Variants in SLC9A1 observed in about 807,000 individuals in gnomAD.
SLC9A1 encodes sodium/hydrogen exchanger 1.
In SLC9A1, 22 loss-of-function variants were observed where a neutral mutation model predicts 67.9. The observed-to-expected ratio is 0.32, with a 90% CI of 0.23 to 0.46. SLC9A1 has a LOEUF of 0.46. SLC9A1 is among the 20% of genes least tolerant of loss of function. SLC9A1 has a pLI of 1.00. For synonymous variants in SLC9A1, 421 were observed against 471.8 expected (o/e 0.89, Z 1.40); for missense variants, 686 against 1,094.8 (o/e 0.63, Z 5.27).
intron 1 of SLC9A1, among the ~76,000 whole-genome samples, chr1:27,145,115 T>A (rs533980728): frequency 6.6e-6 from 1 of 151,854 alleles, no homozygotes; most frequent in South Asian, 2.1e-4. Flanking sequence ...AAAGTCCCTG[T>A]CCTCAAGAGG....
chr1:27,118,495 C>T lies in SLC9A1; in HGVS notation c.353-4209G>A, dbSNP rs1187003132. On this transcript the variant is annotated intron_variant, in intron 1 of 11. Transcript: ENST00000263980. The surrounding 1 kb of genome is among the most constrained non-coding windows in gnomAD (Gnocchi z 4.3). ...CGCTCACTCTGCATCCCTGCAGAGT[C>T]CCCACAAAGAGCAGGATGCTTGCTG... Among the ~76,000 whole-genome samples, 3 of 152,192 alleles carry T rather than the reference C, an allele frequency of 2.0e-5. No individual in the cohort carries two copies. Among genetic ancestry groups the T allele is most frequent in the African/African-American group, 7.2e-5 (3 of 41,440 alleles).
Position 27,109,249 on chromosome 1 carries a change from A to G in SLC9A1, c.1064+278T>C, listed in dbSNP as rs1461541017. ...CTATACCCTGGGCTTGCCTTCATGC[A>G]GGTCATTCTTGCTTCATCTGCTCAT... On this transcript the variant is annotated intron_variant, in intron 3 of 11. Transcript: ENST00000263980. The surrounding 1 kb of genome is among the most constrained non-coding windows in gnomAD (Gnocchi z 5.5). Among the ~76,000 whole-genome samples the G allele has an allele frequency of 1.3e-5, 2 of 152,118 alleles. No homozygotes were observed. Among genetic ancestry groups the G allele is most frequent in the Non-Finnish European group, 2.9e-5 (2 of 68,010 alleles).
In SLC9A1 at chr1:27,103,315, G is replaced by A; in HGVS notation, c.1486-3C>T. ...ACCAGGGGCCGAATGGTCATGCCCTGGGGGGCAGGCAGGTGTCAGGCACTC... is the reference window on the plus strand; with the variant it reads ...ACCAGGGGCCGAATGGTCATGCCCTAGGGGGCAGGCAGGTGTCAGGCACTC... On this transcript the variant is annotated splice_region_variant and splice_polypyrimidine_tract_variant and intron_variant, in intron 5 of 11. Transcript: ENST00000263980. The A allele has an allele frequency of 1.2e-6, 2 of 1,608,964 alleles. No individual in the cohort carries two copies. The highest frequency in any genetic ancestry group is 8.5e-7 in the Non-Finnish European group (1 of 1,175,492).
chr1:27,116,526 C>T (rs1042233838), intron 1 of SLC9A1, among the ~76,000 whole-genome samples: 1 of 152,258 alleles, frequency 6.6e-6, no homozygotes, highest in Admixed American at 6.5e-5. Flanking sequence ...GCACCATGTG[C>T]ATTCTCCTGA....
intron 1 of SLC9A1, among the ~76,000 whole-genome samples, chr1:27,133,340 G>A (rs1012696038): frequency 6.6e-6 from 1 of 151,844 alleles, no homozygotes; most frequent in African/African-American, 2.4e-5. Context: ...AAAGTGCTGT[G>A]ATTACAGGCA....
chr1:27,112,648 C>T (rs1458329563), intron 2 of SLC9A1, among the ~76,000 whole-genome samples: 2 of 152,160 alleles, frequency 1.3e-5, no homozygotes, highest in Non-Finnish European at 2.9e-5. Context: ...CTTTGGGAGG[C>T]TGAGGTGGGC....
intron 1 of SLC9A1, among the ~76,000 whole-genome samples, chr1:27,115,500 T>A (rs74862308): frequency 0.026 from 4,026 of 152,108 alleles, 176 homozygotes; most frequent in African/African-American, 0.089. Flanking sequence ...CCAAGAGGGT[T>A]TGTCCCTTTG....
At chr1:27,108,021 C>T (rs2083201751) in intron 3 of SLC9A1, among the ~76,000 whole-genome samples, 156 bp from the exon 4 acceptor site, 2 of 151,716 alleles carry the variant, frequency 1.3e-5, no homozygotes, top group Non-Finnish European at 2.9e-5. Context: ...CCTCTTGCCA[C>T]TCATCCTCAC....
intron 1 of SLC9A1, among the ~76,000 whole-genome samples, chr1:27,134,016 G>C (rs2083403325): frequency 6.6e-6 from 1 of 152,088 alleles, no homozygotes; most frequent in African/African-American, 2.4e-5. Context: ...ACCCACCTCA[G>C]CCTCCCAAAG....
intron 1 of SLC9A1, among the ~76,000 whole-genome samples, chr1:27,142,362 G>A (rs2083458015): frequency 6.6e-6 from 1 of 152,218 alleles, no homozygotes; most frequent in Admixed American, 6.5e-5. Context: ...TTCCCTTTGG[G>A]CCTGGGGGTT....
chr1:27,101,250 G>A lies in SLC9A1; in HGVS notation c.2063C>T (p.Ala688Val), dbSNP rs1424341093. The change falls in exon 11 of 12, where the codon GCC (alanine) becomes GTC (valine). Residue 688 changes from alanine (A) to valine (V), a missense_variant. Physicochemically the swap from Ala to Val is moderately conservative, Grantham distance 64 (BLOSUM62 0). Around this residue, in one of 7 missense-constraint regions of SLC9A1, gnomAD observed 226 missense variants for 282.4 expected, o/e 0.80. Coordinates refer to ENST00000263980, the MANE Select transcript of SLC9A1 (RefSeq NM_003047.5). This position sits in a 1 kb window ranked among gnomAD's most constrained non-coding sequence, Gnocchi z 4.9. ...QKINNYLTVPAHKLDSPTMSR... is the reference protein window; with the variant it reads ...QKINNYLTVPVHKLDSPTMSR... ...CATGGTGGGTGAGTCCAGCTTGTGG[G>A]CTGGCACCGTCAGGTAGTTGTTGAT... 1 of 1,612,156 alleles carries A rather than the reference G, an allele frequency of 6.2e-7. No homozygotes were observed. The highest frequency in any genetic ancestry group is 8.5e-7 in the Non-Finnish European group (1 of 1,179,980).
At chr1:27,107,941 T>C in intron 3 of SLC9A1, 76 bp from the exon 4 acceptor site, 1 of 1,097,964 alleles carries the variant, frequency 9.1e-7, no homozygotes, top group Non-Finnish European at 1.4e-6. Flanking sequence ...CCAGGGGCAA[T>C]GGGGCCACGA....
intron 1 of SLC9A1, among the ~76,000 whole-genome samples, chr1:27,152,548 C>A (rs1168816220): frequency 6.6e-6 from 1 of 152,156 alleles, no homozygotes; most frequent in Non-Finnish European, 1.5e-5. Context: ...GGGAGACCTG[C>A]AGAAAAAGGC....
At chr1:27,141,749 C>T (rs1180513609) in intron 1 of SLC9A1, among the ~76,000 whole-genome samples, 1 of 152,212 alleles carries the variant, frequency 6.6e-6, no homozygotes, top group Admixed American at 6.5e-5. Context: ...TCCCCTCCCC[C>T]ATCTTGCTGT....
At chr1:27,120,608 GGCGCCTCTAATCACA>G (rs1220043853) in intron 1 of SLC9A1, among the ~76,000 whole-genome samples, 1 of 151,862 alleles carries the variant, frequency 6.6e-6, no homozygotes, top group Non-Finnish European at 1.5e-5. Flanking sequence ...TGTGGTGGCA[GGCGCCTCTAATCACA>G]GCTACTCAGG....
intron 1 of SLC9A1, among the ~76,000 whole-genome samples, chr1:27,121,844 C>T (rs568465538): frequency 7.2e-4 from 110 of 152,180 alleles, no homozygotes; most frequent in African/African-American, 2.3e-3. Flanking sequence ...AGTGGAGGGC[C>T]GGGCGCAGTG....
rs1557735772 is a variant in SLC9A1, at chr1:27,101,293, CG to C, written c.2038-19del. 2 of 1,607,382 alleles carry C rather than the reference CG, an allele frequency of 1.2e-6. No individual in the cohort carries two copies. Among genetic ancestry groups the C allele is most frequent in the East Asian group, 4.5e-5 (2 of 44,864 alleles). On this transcript the variant is annotated intron_variant, in intron 10 of 11. Transcript: ENST00000263980. The surrounding 1 kb of genome is among the most constrained non-coding windows in gnomAD (Gnocchi z 4.9). ...TTGTTGATCTGACAGAGAGGACAGACGGGGTGAGCACAGGCAGCTGGGCAGA... is the reference window on the plus strand; with the variant it reads ...TTGTTGATCTGACAGAGAGGACAGACGGGTGAGCACAGGCAGCTGGGCAGA...
Position 27,107,679 on chromosome 1 carries a change from G to C in SLC9A1, c.1251C>G (p.Thr417=). 3.2e-6 allele frequency: 5 copies of C among 1,564,534 alleles called. No homozygotes were observed. Among genetic ancestry groups the C allele is most frequent in the Non-Finnish European group, 4.3e-6 (5 of 1,154,404 alleles). ...CGCGGGCGATGAGGCAGAAGAGCAGGGTGCTGATGACGAAGGTCCAGTTCC... is the reference window on the plus strand; with the variant it reads ...CGCGGGCGATGAGGCAGAAGAGCAGCGTGCTGATGACGAAGGTCCAGTTCC... ...HHWNWTFVIS[T]LLFCLIARVL... Residue 417 remains threonine (T), a synonymous_variant, in exon 4 of 12, where the codon ACC becomes ACG. Transcript: ENST00000263980.
At chr1:27,130,696 T>C (rs1049191247) in intron 1 of SLC9A1, among the ~76,000 whole-genome samples, 2 of 152,230 alleles carry the variant, frequency 1.3e-5, no homozygotes, top group African/African-American at 4.8e-5. Context: ...TAGACACTAC[T>C]GTTTCAATTT....
Sources: allele counts gnomAD v4.1 joint callset (sites outside exome capture counted in the v4.1 genomes callset), GRCh38; gene constraint gnomAD v4.1.1; regional missense constraint gnomAD v4.1.1; non-coding constraint Gnocchi (gnomAD v3.1); transcripts MANE v1.5; gene names NCBI Gene and HGNC (gene_info 2026-07-23, HGNC 2026-07-21).